GRM3: variants seen among roughly 807,000 people sequenced by gnomAD.
GRM3 encodes the protein glutamate metabotropic receptor 3.
Under a neutral mutation model 70.5 loss-of-function variants are expected in GRM3, and 26 were observed. The observed-to-expected ratio is 0.37, with a 90% CI of 0.27 to 0.51. GRM3 has a LOEUF of 0.51. Among genes scored for constraint, GRM3 ranks in the 20% least tolerant of loss-of-function variants. The pLI, the probability that GRM3 is intolerant of heterozygous loss-of-function variation, is 0.93. For synonymous variants in GRM3, 443 were observed against 434.9 expected (o/e 1.02, Z -0.23); for missense variants, 859 against 1,123.8 (o/e 0.76, Z 3.37).
chr7:86,648,297 G>T (rs890240556), intron 1 of GRM3, among the ~76,000 whole-genome samples: 1 of 152,186 alleles, frequency 6.6e-6, no homozygotes, highest in Admixed American at 6.5e-5. Flanking sequence ...TCTGAGGAAT[G>T]TTCTATGTGG....
At chr7:86,668,422 T>C (rs1794086468) in intron 1 of GRM3, among the ~76,000 whole-genome samples, 1 of 152,134 alleles carries the variant, frequency 6.6e-6, no homozygotes, top group African/African-American at 2.4e-5. Context: ...TTTAAAGTGA[T>C]TTAAATTAAT....
At chr7:86,667,912 T>C (rs1794070217) in intron 1 of GRM3, among the ~76,000 whole-genome samples, 1 of 152,122 alleles carries the variant, frequency 6.6e-6, no homozygotes, top group Non-Finnish European at 1.5e-5. Context: ...CAGAAGGCTC[T>C]TTAAGCAGAC....
At chr7:86,747,748 T>C (rs569291793) in intron 1 of GRM3, among the ~76,000 whole-genome samples, 1 of 152,214 alleles carries the variant, frequency 6.6e-6, no homozygotes, top group Admixed American at 6.6e-5. Context: ...GTAACTATAA[T>C]CAGCTGTTTT....
At chr7:86,705,622 AAAGAGCAC>A (rs1795039600) in intron 1 of GRM3, among the ~76,000 whole-genome samples, 1 of 152,090 alleles carries the variant, frequency 6.6e-6, no homozygotes, top group Admixed American at 6.6e-5. Flanking sequence ...CTGGCATTAA[AAAGAGCAC>A]AAGAGTCTTT....
intron 3 of GRM3, among the ~76,000 whole-genome samples, chr7:86,832,617 T>G (rs1798375993): frequency 6.6e-6 from 1 of 152,128 alleles, no homozygotes; most frequent in Non-Finnish European, 1.5e-5. Context: ...GGAGGTAATA[T>G]TCCCTTTACT....
intron 1 of GRM3, among the ~76,000 whole-genome samples, chr7:86,720,897 C>T (rs990008183): frequency 1.3e-5 from 2 of 152,018 alleles, no homozygotes; most frequent in African/African-American, 4.8e-5. Context: ...TGAGAGTTTA[C>T]ATTGAGGTAG....
intron 1 of GRM3, among the ~76,000 whole-genome samples, chr7:86,693,885 G>A (rs747370035): frequency 6.6e-6 from 1 of 152,192 alleles, no homozygotes; most frequent in Non-Finnish European, 1.5e-5. Context: ...GAAGAGCACA[G>A]CATTTAATAA....
intron 1 of GRM3, among the ~76,000 whole-genome samples, chr7:86,760,247 G>A (rs1339519236): frequency 2.0e-5 from 3 of 152,002 alleles, no homozygotes; most frequent in East Asian, 3.9e-4. Flanking sequence ...GCAAAGAATG[G>A]ATGAAAAGAC....
chr7:86,710,243 T>A (rs1170349000), intron 1 of GRM3: 1 of 152,058 alleles, frequency 6.6e-6, no homozygotes, highest in Non-Finnish European at 1.5e-5. Context: ...TTCTATGAAC[T>A]CCCTAACTTT....
intron 1 of GRM3, among the ~76,000 whole-genome samples, chr7:86,666,040 G>A (rs943125336): frequency 2.7e-4 from 41 of 151,994 alleles, no homozygotes; most frequent in African/African-American, 9.4e-4. Context: ...CTTTCTGAGA[G>A]TCATGAAGTT....
At chr7:86,737,192 C>T (rs1795882747) in intron 1 of GRM3, among the ~76,000 whole-genome samples, 1 of 152,178 alleles carries the variant, frequency 6.6e-6, no homozygotes, top group African/African-American at 2.4e-5. Context: ...AGGTCTGAAT[C>T]CTCACTATGT....
intron 5 of GRM3, among the ~76,000 whole-genome samples, chr7:86,864,080 A>G (rs1799013668): frequency 6.6e-6 from 1 of 151,814 alleles, no homozygotes; most frequent in Non-Finnish European, 1.5e-5. Context: ...TTACATGAGT[A>G]AGTTCTTTAG....
intron 1 of GRM3, among the ~76,000 whole-genome samples, chr7:86,720,211 GA>G (rs779476085): frequency 2.8e-4 from 43 of 151,924 alleles, no homozygotes; most frequent in Admixed American, 3.9e-4. Context: ...GAGGGATAAA[GA>G]AAAATGAGGC....
chr7:86,701,270 G>A (rs1794941332), intron 1 of GRM3, among the ~76,000 whole-genome samples: 1 of 151,768 alleles, frequency 6.6e-6, no homozygotes, highest in Non-Finnish European at 1.5e-5. Flanking sequence ...ATAAACACCT[G>A]CTAGTCTATT....
chr7:86,775,522 A>C (rs1796862544), intron 2 of GRM3, among the ~76,000 whole-genome samples: 1 of 152,098 alleles, frequency 6.6e-6, no homozygotes, highest in Non-Finnish European at 1.5e-5. Context: ...GTTGGATATC[A>C]CCAACTCTCT....
intron 5 of GRM3, among the ~76,000 whole-genome samples, chr7:86,855,681 C>A (rs564477668): frequency 1.3e-5 from 2 of 152,252 alleles, no homozygotes; most frequent in East Asian, 3.9e-4. Flanking sequence ...TAAGTGAACA[C>A]TCTTCTAGAA....
intron 1 of GRM3, among the ~76,000 whole-genome samples, chr7:86,726,031 G>A (rs1415565598): frequency 6.6e-6 from 1 of 152,106 alleles, no homozygotes; most frequent in Non-Finnish European, 1.5e-5. Context: ...GTGAGTTTTG[G>A]GGTCACAAAC....
At position 86,747,275 on chromosome 7, in the gene GRM3, C is replaced by A. The variant is rs115864332; in HGVS notation, c.-140-17731C>A. 1.4e-3 allele frequency among the ~76,000 whole-genome samples: 215 copies of A among 152,066 alleles called. 2 individuals are homozygous for A. The highest frequency in any genetic ancestry group is 4.9e-3 in the African/African-American group (204 of 41,504). On this transcript the variant is annotated intron_variant, in intron 1 of 5. Coordinates refer to ENST00000361669, the MANE Select transcript of GRM3 (RefSeq NM_000840.3). ...TTTCTCTTCATTACAGTTTCTAAACCCTCACTAACATGTATCAAAACAGAA... is the reference window on the plus strand; with the variant it reads ...TTTCTCTTCATTACAGTTTCTAAACACTCACTAACATGTATCAAAACAGAA...
intron 3 of GRM3, among the ~76,000 whole-genome samples, chr7:86,818,776 C>T (rs1398403093): frequency 6.6e-6 from 1 of 152,088 alleles, no homozygotes; most frequent in Non-Finnish European, 1.5e-5. Context: ...TACTTCCTAG[C>T]AAAATTCCCC....
Sources: allele counts gnomAD v4.1 joint callset (sites outside exome capture counted in the v4.1 genomes callset), GRCh38; gene constraint gnomAD v4.1.1; transcripts MANE v1.5; gene names NCBI Gene and HGNC (gene_info 2026-07-23, HGNC 2026-07-21).